The following KIF26A variants were observed in gnomAD, a reference collection of about 807,000 sequenced individuals.
KIF26A encodes the protein kinesin family member 26A.
Under a neutral mutation model 126.0 loss-of-function variants are expected in KIF26A, and 74 were observed. The ratio of observed to expected loss-of-function variants is 0.59; its 90% CI spans 0.49 to 0.71. The LOEUF (loss-of-function observed/expected upper bound fraction) is 0.71. Among genes scored for constraint, KIF26A ranks in the 30% least tolerant of loss-of-function variants. The probability of loss-of-function intolerance (pLI) is 0.00; values close to 1 mark genes in which losing one functional copy is unlikely to be tolerated. For synonymous variants in KIF26A, 1,445 were observed against 1,232.7 expected (o/e 1.17, Z -3.61); for missense variants, 2,984 against 2,763.3 (o/e 1.08, Z -1.79).
In KIF26A at chr14:104,158,423, C is replaced by T. The variant is rs200552225; in HGVS notation, c.923+481C>T. ...GCCCGGGGGAGGCGCAGGCTGGGGC[C>T]ACGGAGAGGACAAGGCTGGCCTTCA... On this transcript the variant is annotated intron_variant, in intron 4 of 14. Transcript: ENST00000423312. 6.6e-5 allele frequency among the ~76,000 whole-genome samples: 10 copies of T among 152,302 alleles called. No individual in the cohort carries two copies. The East Asian group carries it at 1.9e-3, about 29-fold the overall frequency.
At position 104,151,918 on chromosome 14, in the gene KIF26A, C is replaced by A; in HGVS notation, c.289-97C>A. The A allele has an allele frequency of 9.4e-7, 1 of 1,062,758 alleles. No homozygotes were observed. The highest frequency in any genetic ancestry group is 1.4e-6 in the Non-Finnish European group (1 of 699,378). 65.8% of individuals were successfully genotyped at this position (1,062,758 alleles called of 1,614,324 possible). Reference sequence around the variant, plus strand: ...GGATGGTGCGGTGGCCAGGCGGGAGCTCGCAGCGTCATGGACGGTGAGAGT... The same window carrying A: ...GGATGGTGCGGTGGCCAGGCGGGAGATCGCAGCGTCATGGACGGTGAGAGT... On this transcript the variant is annotated intron_variant, in intron 2 of 14. Transcript: ENST00000423312. This position sits in a 1 kb window ranked among gnomAD's most constrained non-coding sequence, Gnocchi z 4.9.
At chr14:104,156,935 G>A (rs901870792) in intron 3 of KIF26A, among the ~76,000 whole-genome samples, 1 of 152,144 alleles carries the variant, frequency 6.6e-6, no homozygotes, top group Admixed American at 6.5e-5. Context: ...ACCTGACCAG[G>A]CCACGGTGCC....
intron 7 of KIF26A, 91 bp downstream of exon 7, chr14:104,172,759 G>A: frequency 5.1e-6 from 6 of 1,166,710 alleles, no homozygotes; most frequent in South Asian, 1.4e-5. Context: ...TGATGGGAAA[G>A]GAGGCTGGTC....
chr14:104,151,038 G>C lies in KIF26A; in HGVS notation c.289-977G>C, dbSNP rs2037724644. 6.6e-6 allele frequency among the ~76,000 whole-genome samples: 1 copy of C among 152,208 alleles called. No individual in the cohort carries two copies. The highest frequency in any genetic ancestry group is 6.5e-5 in the Admixed American group (1 of 15,290). On this transcript the variant is annotated intron_variant, in intron 2 of 14. Coordinates refer to ENST00000423312, the MANE Select transcript of KIF26A (RefSeq NM_015656.2). The surrounding 1 kb of genome is among the most constrained non-coding windows in gnomAD (Gnocchi z 4.9). ...TGTTGCAGAGTGGTCCCAAGGAGGG[G>C]CAAGGCCAGAGCCTGGTGGGGTGGT...
intron 2 of KIF26A, among the ~76,000 whole-genome samples, chr14:104,140,295 C>T (rs1039139624): frequency 7.9e-5 from 12 of 151,966 alleles, no homozygotes; most frequent in Admixed American, 1.3e-4. Flanking sequence ...TCAGGCCAGG[C>T]GCCTGTGGGC....
rs2038044110 is a variant in KIF26A, at chr14:104,177,362, GGAGCCCTGGCGGCCCTGT to G, written c.4576_4593del (p.Ser1526_Val1531del). ...CTGTCTACGGCCTCTGTGACGGGCA[GGAGCCCTGGCGGCCCTGT>G]GGCCGGTCCCAGAGCAGCCCCACGG... On this transcript the variant is annotated inframe_deletion, in exon 12 of 15. Coordinates refer to ENST00000423312, the MANE Select transcript of KIF26A (RefSeq NM_015656.2). 1 of 1,488,836 alleles carries G rather than the reference GGAGCCCTGGCGGCCCTGT, an allele frequency of 6.7e-7. No homozygotes were observed. Among genetic ancestry groups the G allele is most frequent in the Admixed American group, 2.3e-5 (1 of 43,500 alleles). The allele number at this position is 1,488,836 out of a possible 1,614,324, so 92.2% of individuals were successfully genotyped here.
intron 2 of KIF26A, among the ~76,000 whole-genome samples, chr14:104,150,327 C>T (rs547883579): frequency 6.6e-6 from 1 of 151,672 alleles, no homozygotes; most frequent in Non-Finnish European, 1.5e-5. Context: ...ACGCGCCAGG[C>T]ACTTCAGAGG....
chr14:104,175,155 G>T lies in KIF26A; in HGVS notation c.2367G>T (p.Thr789=). ...CCAGCAGCGAGCAGTCCTGTGACACGGTCATCTACGTGGGGCCCGGTGGGG... is the reference window on the plus strand; with the variant it reads ...CCAGCAGCGAGCAGTCCTGTGACACTGTCATCTACGTGGGGCCCGGTGGGG... ...YSSSSEQSCD[T]VIYVGPGGAA... is the part of the protein sequence containing the mutation. The change falls in exon 12 of 15, where the codon ACG becomes ACT. Residue 789 remains threonine (T), a synonymous_variant. Transcript: ENST00000423312. 3 of 1,607,518 alleles carry T rather than the reference G, an allele frequency of 1.9e-6. No homozygotes were observed. Among genetic ancestry groups the T allele is most frequent in the Non-Finnish European group, 1.7e-6 (2 of 1,177,936 alleles).
At position 104,180,654 on chromosome 14, in the gene KIF26A, C is replaced by T. The variant is rs2038092819; in HGVS notation, c.*864C>T. The T allele has an allele frequency of 6.5e-6, 1 of 153,964 alleles. No homozygotes were observed. The highest frequency in any genetic ancestry group is 2.4e-5 in the African/African-American group (1 of 41,458). The allele number at this position is 153,964 out of a possible 1,614,324, so 9.5% of individuals were successfully genotyped here. On this transcript the variant is annotated 3_prime_UTR_variant, in exon 15 of 15. Coordinates refer to ENST00000423312, the MANE Select transcript of KIF26A (RefSeq NM_015656.2). The stretch of plus-strand genomic sequence containing the variant: ...AGGTGTTCTGGGGGCCGGGCTCTCT[C>T]CAGCTGTGGGAGGCCTGCTCCCTCT...
chr14:104,153,839 G>A (rs1439515084), intron 3 of KIF26A, among the ~76,000 whole-genome samples: 3 of 152,210 alleles, frequency 2.0e-5, no homozygotes, highest in Non-Finnish European at 2.9e-5. Flanking sequence ...CACCCTGCCC[G>A]TGGCTGAGGG....
chr14:104,153,642 G>GAACCCCACCCTTGCCACGAGGT (rs1218036764), intron 3 of KIF26A, among the ~76,000 whole-genome samples: 3 of 151,784 alleles, frequency 2.0e-5, no homozygotes, highest in East Asian at 1.9e-4. Context: ...CCCCAGAGCT[G>GAACCCCACCCTTGCCACGAGGT]GGCATCCTGG....
In KIF26A at chr14:104,148,478, G is replaced by A. The variant is rs1389109867; in HGVS notation, c.289-3537G>A. 6.6e-6 allele frequency among the ~76,000 whole-genome samples: 1 copy of A among 152,132 alleles called. No individual in the cohort carries two copies. Among genetic ancestry groups the A allele is most frequent in the Non-Finnish European group, 1.5e-5 (1 of 68,018 alleles). ...GCTGGCTGGGGCTTTGAGGAGTTCA[G>A]ATTCCTGAAATTGGGGGGCAGTAAC... On this transcript the variant is annotated intron_variant, in intron 2 of 14. Transcript: ENST00000423312. This position sits in a 1 kb window ranked among gnomAD's most constrained non-coding sequence, Gnocchi z 4.3.
chr14:104,162,332 CGCCCGGTCCCAGCCTCTGTCTA>C (rs2037840875), intron 4 of KIF26A, among the ~76,000 whole-genome samples: 1 of 152,160 alleles, frequency 6.6e-6, no homozygotes, highest in Non-Finnish European at 1.5e-5. Flanking sequence ...CCACAGAGGA[CGCCCGGTCCCAGCCTCTGTCTA>C]GGCGGCCTGG....
chr14:104,153,599 C>T (rs12892650), intron 3 of KIF26A, among the ~76,000 whole-genome samples: 1,690 of 11,946 alleles, frequency 0.14, 13 homozygotes, highest in African/African-American at 0.21. Context: ...GCCCCAGAGC[C>T]GAACCCCACC....
chr14:104,139,726 G>C (rs945410533), intron 2 of KIF26A, among the ~76,000 whole-genome samples: 1 of 152,208 alleles, frequency 6.6e-6, no homozygotes, highest in African/African-American at 2.4e-5. Context: ...ACCTGGGGCC[G>C]GGGGGCCTGG....
Position 104,148,159 on chromosome 14 carries a change from C to T in KIF26A, c.289-3856C>T, listed in dbSNP as rs368344761. Among the ~76,000 whole-genome samples, 17 of 152,232 alleles carry T rather than the reference C, an allele frequency of 1.1e-4. No individual in the cohort carries two copies. The East Asian group carries it at 3.1e-3, about 28-fold the overall frequency. On this transcript the variant is annotated intron_variant, in intron 2 of 14. Coordinates refer to ENST00000423312, the MANE Select transcript of KIF26A (RefSeq NM_015656.2). The surrounding 1 kb of genome is among the most constrained non-coding windows in gnomAD (Gnocchi z 4.3). ...CCGGTAAAGTCCCCCGGGCCTCACA[C>T]GCAGGAGAAAATGGAAGGATTACTT...
chr14:104,162,253 C>T (rs2037840086), intron 4 of KIF26A, among the ~76,000 whole-genome samples: 1 of 152,194 alleles, frequency 6.6e-6, no homozygotes, highest in Admixed American at 6.5e-5. Flanking sequence ...GGAGGCGCCT[C>T]AAGTTAGGTC....
At chr14:104,165,875 T>G (rs2037893544) in intron 4 of KIF26A, among the ~76,000 whole-genome samples, 1 of 145,254 alleles carries the variant, frequency 6.9e-6, no homozygotes, top group Admixed American at 6.9e-5. Context: ...AGGGTGTGCG[T>G]GTCGAGGTCC....
In KIF26A at chr14:104,148,908, G is replaced by T. The variant is rs1441013885; in HGVS notation, c.289-3107G>T. 2.0e-5 allele frequency among the ~76,000 whole-genome samples: 3 copies of T among 152,164 alleles called. No homozygotes were observed. The highest frequency in any genetic ancestry group is 1.3e-4 in the Admixed American group (2 of 15,290). ...GAGTGGGGTGCCGAGTTCTCCTCTTGTCTTAGCTGGACAGTGTGCTGGGCC... is the reference window on the plus strand; with the variant it reads ...GAGTGGGGTGCCGAGTTCTCCTCTTTTCTTAGCTGGACAGTGTGCTGGGCC... On this transcript the variant is annotated intron_variant, in intron 2 of 14. Transcript: ENST00000423312. The surrounding 1 kb of genome is among the most constrained non-coding windows in gnomAD (Gnocchi z 4.3).
Sources: gnomAD v4.1 joint callset for allele counts (sites outside exome capture counted in the v4.1 genomes callset) on GRCh38, gnomAD v4.1.1 for gene constraint, Gnocchi (gnomAD v3.1) non-coding constraint, MANE v1.5 for transcripts, NCBI Gene and HGNC (gene_info 2026-07-23, HGNC 2026-07-21) for gene names.